The following SLC25A26 variants were observed in gnomAD, a reference collection of about 807,000 sequenced individuals.
SLC25A26 encodes solute carrier family 25 member 26.
Under a neutral mutation model 37.8 loss-of-function variants are expected in SLC25A26, and 36 were observed. That is an observed-to-expected ratio of 0.95 (90% confidence interval 0.73 to 1.26). The LOEUF (loss-of-function observed/expected upper bound fraction) is 1.26, where lower values mean the gene tolerates loss of function less well. Among genes scored for constraint, SLC25A26 ranks in the 50% most tolerant of loss-of-function variants. The pLI is 0.00. For missense variants in SLC25A26, 390 were observed against 331.1 expected (o/e 1.18, Z -1.38); for synonymous variants, 129 against 122.5 (o/e 1.05, Z -0.35).
chr3:66,363,196 A>G (rs909233627), intron 7 of SLC25A26, among the ~76,000 whole-genome samples: 2 of 152,150 alleles, frequency 1.3e-5, no homozygotes, highest in South Asian at 2.1e-4. Context: ...AGGCCCTGGA[A>G]TTACCTTAAA....
chr3:66,324,496 T>A (rs1344465866), intron 5 of SLC25A26, among the ~76,000 whole-genome samples: 1 of 152,154 alleles, frequency 6.6e-6, no homozygotes, highest in Non-Finnish European at 1.5e-5. Flanking sequence ...TCTTGTGGCC[T>A]CTGGCTGCAT....
At chr3:66,361,697 C>T (rs1161655461) in intron 6 of SLC25A26, among the ~76,000 whole-genome samples, 1 of 152,204 alleles carries the variant, frequency 6.6e-6, no homozygotes, top group Non-Finnish European at 1.5e-5. Flanking sequence ...GGCACGGTGG[C>T]TCACACCTGT....
At chr3:66,170,830 G>T (rs1245496394) in intron 1 of SLC25A26, among the ~76,000 whole-genome samples, 1 of 108,818 alleles carries the variant, frequency 9.2e-6, no homozygotes, top group Non-Finnish European at 1.7e-5. Flanking sequence ...TTGAGACGGA[G>T]TCTCGCTCTG....
chr3:66,277,154 G>A (rs9310171), intron 5 of SLC25A26, among the ~76,000 whole-genome samples: 8,004 of 152,024 alleles, frequency 0.053, 640 homozygotes, highest in African/African-American at 0.17. Context: ...TTACTAAAAT[G>A]AATCCCTGTA....
chr3:66,248,323 G>A (rs528899544), intron 3 of SLC25A26, among the ~76,000 whole-genome samples: 3 of 152,226 alleles, frequency 2.0e-5, no homozygotes, highest in East Asian at 1.9e-4. Flanking sequence ...TGCTTGTGCC[G>A]TTTTTATTAG....
intron 1 of SLC25A26, among the ~76,000 whole-genome samples, chr3:66,208,672 ATATATACACATTTATATGGG>A (rs2071213898): frequency 5.9e-4 from 86 of 146,444 alleles, no homozygotes; most frequent in Non-Finnish European, 7.3e-4. Context: ...GTATATATAT[ATATATACACATTTATATGGG>A]TATATATATA....
At chr3:66,217,372 T>G (rs1385906613), upstream of SLC25A26, among the ~76,000 whole-genome samples, 12 of 152,224 alleles carry the variant, frequency 7.9e-5, no homozygotes, top group Non-Finnish European at 1.5e-4. Flanking sequence ...TGATAACTTA[T>G]CAGTCTCTCA....
intron 5 of SLC25A26, among the ~76,000 whole-genome samples, chr3:66,297,703 T>C (rs2074949170): frequency 6.6e-6 from 1 of 152,238 alleles, no homozygotes; most frequent in East Asian, 1.9e-4. Context: ...CTTTCATTTA[T>C]GTATTGTCTG....
In SLC25A26 at chr3:66,237,503, A is replaced by G. The variant is rs138185942; in HGVS notation, c.190+803A>G. On this transcript the variant is annotated intron_variant, in intron 2 of 9. Transcript: ENST00000354883. Reference sequence around the variant, plus strand: ...TAGAGAGCAGGTGAACCTAAGAGGCATTACACATTTCTATCCTAATTAAAT... The same window carrying G: ...TAGAGAGCAGGTGAACCTAAGAGGCGTTACACATTTCTATCCTAATTAAAT... Among the ~76,000 whole-genome samples the G allele has an allele frequency of 6.6e-5, 10 of 152,366 alleles. No homozygotes were observed. In the East Asian group the frequency reaches 1.9e-3, roughly 29 times the overall value.
intron 1 of SLC25A26, among the ~76,000 whole-genome samples, chr3:66,148,478 C>G (rs1488808986): frequency 6.6e-6 from 1 of 152,140 alleles, no homozygotes; most frequent in Non-Finnish European, 1.5e-5. Flanking sequence ...GGGAAGCACC[C>G]TAGCTTTCCT....
chr3:66,269,417 A>G (rs865814251), intron 5 of SLC25A26, among the ~76,000 whole-genome samples: 3 of 152,240 alleles, frequency 2.0e-5, no homozygotes, highest in African/African-American at 7.2e-5. Flanking sequence ...TCTTTATAAT[A>G]GTAAAAAAAT....
At chr3:66,209,898 T>TCTA (rs2071256377) in intron 1 of SLC25A26, among the ~76,000 whole-genome samples, 1 of 38,608 alleles carries the variant, frequency 2.6e-5, no homozygotes, top group African/African-American at 8.8e-5. Flanking sequence ...CTCTCTCTAT[T>TCTA]TATATATATA....
rs1470941854 is a variant in SLC25A26, at chr3:66,236,604, A to T, written c.94A>T (p.Thr32Ser). The change falls in exon 2 of 10, where the codon ACC (threonine) becomes TCC (serine). Residue 32 changes from threonine to serine, a missense_variant. Transcript: ENST00000354883. Reference sequence around the variant, plus strand: ...ATTATTTCCTCTGGATACCATTAAAACCAGGCTGCAGAGTCCCCAAGGATT... The same window carrying T: ...ATTATTTCCTCTGGATACCATTAAATCCAGGCTGCAGAGTCCCCAAGGATT... ...LILFPLDTIKTRLQSPQGFSK... is the reference protein window; with the variant it reads ...LILFPLDTIKSRLQSPQGFSK... 4 of 1,518,056 alleles carry T rather than the reference A, an allele frequency of 2.6e-6. No homozygotes were observed. Among genetic ancestry groups the T allele is most frequent in the Non-Finnish European group, 3.5e-6 (4 of 1,134,150 alleles). The allele number at this position is 1,518,056 out of a possible 1,614,324, so 94.0% of individuals were successfully genotyped here. A position where few individuals can be genotyped will look rare whatever the true frequency, so the allele number is the denominator to read the frequency against.
At chr3:66,321,751 C>CT (rs34897144) in intron 5 of SLC25A26, among the ~76,000 whole-genome samples, 7,308 of 142,616 alleles carry the variant, frequency 0.051, 559 homozygotes, top group African/African-American at 0.17. Flanking sequence ...TTTCTGCCTA[C>CT]TTTTTTTTTT....
rs553922831 is a variant in SLC25A26, at chr3:66,159,767, C to CTATA, written c.-354+25784_-354+25787dup. Reference sequence around the variant, plus strand: ...GATAGCTTCCCGTGAACAGCAAAGCCTATAGTAACTTTTGGTGCATTTTGA... The same window carrying CTATA: ...GATAGCTTCCCGTGAACAGCAAAGCCTATATATAGTAACTTTTGGTGCATTTTGA... On this transcript the variant is annotated intron_variant, in intron 1 of 10. Coordinates refer to the SLC25A26 transcript ENST00000676754. Among the ~76,000 whole-genome samples the CTATA allele has an allele frequency of 3.4e-4, 52 of 152,224 alleles. No homozygotes were observed. The East Asian group carries it at 3.7e-3, about 11-fold the overall frequency.
chr3:66,315,854 T>C (rs2075524003), intron 5 of SLC25A26, among the ~76,000 whole-genome samples: 1 of 152,318 alleles, frequency 6.6e-6, no homozygotes, highest in Non-Finnish European at 1.5e-5. Flanking sequence ...TTGAGCCCTT[T>C]ACCATCATGT....
chr3:66,284,094 C>T (rs13317639), intron 5 of SLC25A26, among the ~76,000 whole-genome samples: 1,644 of 152,292 alleles, frequency 0.011, 37 homozygotes, highest in African/African-American at 0.037. Flanking sequence ...TGCCTGTTAT[C>T]CCAGCACTTT....
intron 5 of SLC25A26, among the ~76,000 whole-genome samples, chr3:66,305,338 C>T (rs2075186518): frequency 6.6e-6 from 1 of 152,080 alleles, no homozygotes; most frequent in African/African-American, 2.4e-5. Flanking sequence ...CTAAGAGTAA[C>T]ATTATGTAAT....
intron 5 of SLC25A26, among the ~76,000 whole-genome samples, chr3:66,317,105 C>G (rs1010536123): frequency 6.6e-6 from 1 of 152,232 alleles, no homozygotes; most frequent in African/African-American, 2.4e-5. Context: ...CTTCTTCTGT[C>G]AATTCACCCA....
Sources: allele counts gnomAD v4.1 joint callset (sites outside exome capture counted in the v4.1 genomes callset), GRCh38; gene constraint gnomAD v4.1.1; transcripts MANE v1.5; gene names NCBI Gene and HGNC (gene_info 2026-07-23, HGNC 2026-07-21).